The following MYH15 variants were observed in gnomAD, a reference collection of about 807,000 sequenced individuals.
MYH15 encodes the protein myosin-15.
MYH15 carries 227 observed loss-of-function variants against 240.5 expected under a neutral mutation model. The ratio of observed to expected loss-of-function variants is 0.94; its 90% CI spans 0.85 to 1.05. The LOEUF (loss-of-function observed/expected upper bound fraction) is 1.05. Among genes scored for constraint, MYH15 ranks in the 50% least tolerant of loss-of-function variants. The probability of loss-of-function intolerance (pLI) is 0.00; values close to 1 mark genes in which losing one functional copy is unlikely to be tolerated. For missense variants in MYH15, 2,217 were observed against 2,247.5 expected (o/e 0.99, Z 0.27); for synonymous variants, 785 against 796.7 (o/e 0.99, Z 0.25).
chr3:108,510,477 A>T lies in MYH15; in HGVS notation c.54T>A (p.Ala18=). 6.2e-7 allele frequency: 1 copy of T among 1,613,382 alleles called. No individual in the cohort carries two copies. The highest frequency in any genetic ancestry group is 8.5e-7 in the Non-Finnish European group (1 of 1,179,508). Residue 18 remains alanine, a synonymous_variant, in exon 1 of 41, where the codon GCT becomes GCA. Transcript: ENST00000693548. ...CTGTGGCCTGTAGTAGAAGCAGCTC[A>T]GCTTCACTTCTTCTGAGGAAGGCTG... The part of the protein sequence containing the change: ...EAAAFLRRSE[A]ELLLLQATAL...
intron 33 of MYH15, among the ~76,000 whole-genome samples, chr3:108,399,767 C>G (rs1049102362): frequency 6.6e-6 from 1 of 152,198 alleles, no homozygotes; most frequent in Non-Finnish European, 1.5e-5. Flanking sequence ...CCTGGAGACA[C>G]AACTCTCCTA....
Position 108,381,574 on chromosome 3 carries a change from G to A in MYH15, c.5767-15C>T, listed in dbSNP as rs780772102. The A allele has an allele frequency of 3.1e-6, 5 of 1,613,152 alleles. No individual in the cohort carries two copies. In the African/African-American group the frequency reaches 5.3e-5, roughly 17 times the overall value. On this transcript the variant is annotated splice_polypyrimidine_tract_variant and intron_variant, in intron 40 of 40. Coordinates refer to ENST00000693548, the MANE Select transcript of MYH15 (RefSeq NM_014981.3). ...TCTTCTTGAACCTGAAAAACAGAAT[G>A]TCAGTGTGTTCTGTGAATTTCCTGT...
chr3:108,423,539 A>G (rs1372979788), intron 27 of MYH15, among the ~76,000 whole-genome samples: 1 of 152,180 alleles, frequency 6.6e-6, no homozygotes, highest in Non-Finnish European at 1.5e-5. Context: ...GTAGTGATCA[A>G]TGTGACAATT....
At chr3:108,397,672 G>T (rs995682485) in intron 35 of MYH15, among the ~76,000 whole-genome samples, 7 of 152,186 alleles carry the variant, frequency 4.6e-5, no homozygotes, top group Non-Finnish European at 8.8e-5. Context: ...AGGATAAGGA[G>T]AAGGATCTAA....
rs1184561395 is a variant in MYH15 at position 108,431,334 on chromosome 3, A to AG, written c.3222-413dup. On this transcript the variant is annotated intron_variant, in intron 25 of 40. Transcript: ENST00000693548. ...CTCATCTTGAATTTCCACATGTTGTAGGGGGGACCCAGCAGGAGGTAATTG... is the reference window on the plus strand; with the variant it reads ...CTCATCTTGAATTTCCACATGTTGTAGGGGGGGACCCAGCAGGAGGTAATTG... 3.3e-5 allele frequency among the ~76,000 whole-genome samples: 5 copies of AG among 152,314 alleles called. No homozygotes were observed. In the East Asian group the frequency reaches 9.6e-4, roughly 29 times the overall value.
chr3:108,474,479 G>C (rs1280611362), intron 12 of MYH15, among the ~76,000 whole-genome samples: 1 of 146,090 alleles, frequency 6.8e-6, no homozygotes, highest in African/African-American at 2.6e-5. Context: ...TTTTATTTTT[G>C]CTTTTTTTTG....
intron 27 of MYH15, among the ~76,000 whole-genome samples, chr3:108,422,221 T>C (rs1408292922): frequency 1.0e-4 from 1 of 9,880 alleles, no homozygotes; most frequent in Non-Finnish European, 7.1e-4. Flanking sequence ...TTTTATTATC[T>C]TTTTTTTTTT....
intron 26 of MYH15, among the ~76,000 whole-genome samples, chr3:108,429,187 A>T (rs571721866): frequency 6.6e-6 from 1 of 152,174 alleles, no homozygotes; most frequent in East Asian, 1.9e-4. Flanking sequence ...ACGACCAAAA[A>T]AACTGTTTAA....
chr3:108,411,000 T>G (rs1237885315), intron 30 of MYH15, 68 bp from the exon 31 acceptor site: 3 of 1,339,978 alleles, frequency 2.2e-6, no homozygotes, highest in Non-Finnish European at 3.1e-6. Flanking sequence ...AAGTCTGCCC[T>G]GGATTAAAGA....
At chr3:108,398,880 G>A (rs1441915805) in intron 34 of MYH15, 40 bp from the exon 35 acceptor site, 1 of 1,577,472 alleles carries the variant, frequency 6.3e-7, no homozygotes, top group Non-Finnish European at 8.7e-7. Context: ...AGATCCCTCT[G>A]AGTTCAACAT....
At chr3:108,417,746 T>C (rs1202400269) in intron 28 of MYH15, among the ~76,000 whole-genome samples, 1 of 151,680 alleles carries the variant, frequency 6.6e-6, no homozygotes, top group East Asian at 1.9e-4. Context: ...ACTATTTTCC[T>C]GGAGACAGTG....
chr3:108,383,728 T>G lies in MYH15; in HGVS notation c.5633A>C (p.Glu1878Ala). The change falls in exon 40 of 41, where the codon GAA (glutamate) becomes GCA (alanine). Residue 1878 changes from glutamate to alanine, a missense_variant and splice_region_variant. By Grantham distance (107) the Glu-to-Ala change is moderately radical. Coordinates refer to ENST00000693548, the MANE Select transcript of MYH15 (RefSeq NM_014981.3). ...GGAAAGGTATTGATTGGCTTGTGTTTCCTATAAAAATAAAAAAAAAAAAAA... is the reference window on the plus strand; with the variant it reads ...GGAAAGGTATTGATTGGCTTGTGTTGCCTATAAAAATAAAAAAAAAAAAAA... ...QNYKQQVEVA[E>A]TQANQYLSKY... 1.3e-6 allele frequency: 2 copies of G among 1,488,084 alleles called. No individual in the cohort carries two copies. Among genetic ancestry groups the G allele is most frequent in the Non-Finnish European group, 1.8e-6 (2 of 1,127,648 alleles). The allele number at this position is 1,488,084 out of a possible 1,614,324, so 92.2% of individuals were successfully genotyped here.
At chr3:108,461,595 T>G (rs1489395288) in intron 16 of MYH15, 1 of 152,180 alleles carries the variant, frequency 6.6e-6, no homozygotes, top group Non-Finnish European at 1.5e-5. Flanking sequence ...CAAACCATTC[T>G]CTGATCTCTT....
intron 14 of MYH15, among the ~76,000 whole-genome samples, chr3:108,468,415 T>C (rs1158491161): frequency 6.6e-6 from 1 of 152,256 alleles, no homozygotes; most frequent in Non-Finnish European, 1.5e-5. Context: ...CATCCCATTA[T>C]GCATTTTATT....
intron 10 of MYH15, among the ~76,000 whole-genome samples, chr3:108,485,955 G>A (rs2083302163): frequency 6.6e-6 from 1 of 152,112 alleles, no homozygotes; most frequent in Non-Finnish European, 1.5e-5. Context: ...ATAAACAACA[G>A]GACAAATGCC....
intron 33 of MYH15, among the ~76,000 whole-genome samples, chr3:108,400,824 A>G (rs558388411): frequency 8.6e-5 from 13 of 151,050 alleles, no homozygotes; most frequent in African/African-American, 3.1e-4. Flanking sequence ...AAAGAAAAAA[A>G]GAAGGCATAC....
At chr3:108,417,925 T>C (rs1438010265) in intron 28 of MYH15, among the ~76,000 whole-genome samples, 1 of 152,156 alleles carries the variant, frequency 6.6e-6, no homozygotes, top group Non-Finnish European at 1.5e-5. Flanking sequence ...AAATCATATT[T>C]GTTAACATCA....
intron 34 of MYH15, 35 bp from the exon 35 acceptor site, chr3:108,398,875 C>T: frequency 6.3e-7 from 1 of 1,596,280 alleles, no homozygotes. Context: ...AGTACAGATC[C>T]CTCTGAGTTC....
chr3:108,410,797 G>A lies in MYH15; in HGVS notation c.4281C>T (p.Val1427=). 6.2e-7 allele frequency: 1 copy of A among 1,614,152 alleles called. No individual in the cohort carries two copies. The highest frequency in any genetic ancestry group is 8.5e-7 in the Non-Finnish European group (1 of 1,179,992). Residue 1427 remains valine (V), a synonymous_variant, in exon 31 of 41, where the codon GTC becomes GTT. Coordinates refer to ENST00000693548, the MANE Select transcript of MYH15 (RefSeq NM_014981.3). ...GGTCCAGCCTGGCTGCTGCAGAGCG[G>A]ACCTTCCCGAGGTCAGACAGGGCGT... The part of the protein sequence containing the change: ...LGDALSDLGK[V]RSAAARLDQK...
Sources: allele counts gnomAD v4.1 joint callset (sites outside exome capture counted in the v4.1 genomes callset), GRCh38; gene constraint gnomAD v4.1.1; transcripts MANE v1.5; gene names NCBI Gene and HGNC (gene_info 2026-07-23, HGNC 2026-07-21).